Variants in MMS22L observed in about 807,000 individuals in gnomAD.
MMS22L encodes the protein MMS22 like, DNA repair protein.
In MMS22L, 74 loss-of-function variants were observed where a neutral mutation model predicts 159.1. That is an observed-to-expected ratio of 0.47 (90% CI 0.39 to 0.56). The LOEUF (loss-of-function observed/expected upper bound fraction) is 0.56. Among genes scored for constraint, MMS22L ranks in the 20% least tolerant of loss-of-function variants. The pLI, the probability that MMS22L is intolerant of heterozygous loss-of-function variation, is 0.00. For synonymous variants in MMS22L, 517 were observed against 506.9 expected (o/e 1.02, Z -0.27); for missense variants, 1,351 against 1,422.1 (o/e 0.95, Z 0.80).
Position 97,282,316 on chromosome 6 carries a change from C to T in MMS22L, c.162G>A (p.Lys54=), listed in dbSNP as rs561957864. 4 of 1,613,796 alleles carry T rather than the reference C, an allele frequency of 2.5e-6. No individual in the cohort carries two copies. Among genetic ancestry groups the T allele is most frequent in the Admixed American group, 3.3e-5 (2 of 59,978 alleles). ...AAATGTCTCTGAGTTTTACCTACCG[C>T]TTAAGGGCTCCGCTGCAGAGGTAGG... is the stretch of plus-strand genomic sequence containing the variant. ...GESYLCSGAL[K]RLILNLDPLP... Residue 54 remains lysine, a splice_region_variant and synonymous_variant, in exon 2 of 25, where the codon AAG becomes AAA. Coordinates refer to ENST00000683635, the MANE Select transcript of MMS22L (RefSeq NM_001350599.2).
chr6:97,197,221 A>G (rs1293510727), intron 14 of MMS22L, among the ~76,000 whole-genome samples: 1 of 152,216 alleles, frequency 6.6e-6, no homozygotes, highest in Non-Finnish European at 1.5e-5. Flanking sequence ...GTAGGTTAGT[A>G]ATTTCTAAAA....
chr6:97,170,345 C>T (rs992768960), intron 19 of MMS22L, among the ~76,000 whole-genome samples: 7 of 151,900 alleles, frequency 4.6e-5, no homozygotes, highest in Admixed American at 3.9e-4. Flanking sequence ...TTTTAGGTTT[C>T]AGCAATGAAT....
At chr6:97,281,158 G>A (rs1816723497) in intron 3 of MMS22L, 79 bp downstream of exon 3, 2 of 1,393,744 alleles carry the variant, frequency 1.4e-6, no homozygotes, top group Non-Finnish European at 9.7e-7. Flanking sequence ...TGTAATATCA[G>A]TATTAGAAGC....
At chr6:97,229,802 T>G (rs1430238196) in intron 13 of MMS22L, among the ~76,000 whole-genome samples, 2 of 152,180 alleles carry the variant, frequency 1.3e-5, no homozygotes, top group East Asian at 3.8e-4. Flanking sequence ...CAGGACAATT[T>G]TATGTAACAA....
intron 7 of MMS22L, among the ~76,000 whole-genome samples, chr6:97,268,282 T>A (rs1815357198): frequency 6.6e-6 from 1 of 151,862 alleles, no homozygotes; most frequent in African/African-American, 2.4e-5. Context: ...CCTCCCAGGT[T>A]CAGGCCATCC....
intron 22 of MMS22L, among the ~76,000 whole-genome samples, chr6:97,155,191 T>A (rs761860525): frequency 3.3e-5 from 5 of 152,200 alleles, no homozygotes; most frequent in African/African-American, 1.2e-4. Flanking sequence ...ATTACTGATA[T>A]AGTTTGATTT....
intron 4 of MMS22L, among the ~76,000 whole-genome samples, chr6:97,274,591 G>A (rs1816071669): frequency 6.6e-6 from 1 of 152,094 alleles, no homozygotes; most frequent in Non-Finnish European, 1.5e-5. Flanking sequence ...CCCACCTAGA[G>A]ACAGTTTCCA....
chr6:97,205,337 CACATATTCTTCCTGTTGTTTT>C (rs1277291632), intron 14 of MMS22L, among the ~76,000 whole-genome samples: 1 of 151,974 alleles, frequency 6.6e-6, no homozygotes, highest in East Asian at 1.9e-4. Flanking sequence ...ATGTCTAGCT[CACATATTCTTCCTGTTGTTTT>C]ACAATTCTTT....
rs371097763 is a variant in MMS22L, at chr6:97,233,983, A to G, written c.1183-3T>C. 16 of 1,603,594 alleles carry G rather than the reference A, an allele frequency of 1.0e-5. No homozygotes were observed. The highest frequency in any genetic ancestry group is 1.4e-5 in the Non-Finnish European group (16 of 1,176,546). ...AATTGTTCTTCTAGAATGACACCCT[A>G]AAAAATAAACTGAAGTTATGAGAAG... On this transcript the variant is annotated splice_region_variant and splice_polypyrimidine_tract_variant and intron_variant, in intron 11 of 24. Coordinates refer to ENST00000683635, the MANE Select transcript of MMS22L (RefSeq NM_001350599.2).
intron 15 of MMS22L, among the ~76,000 whole-genome samples, chr6:97,183,219 T>C (rs1804897522): frequency 6.6e-6 from 1 of 152,168 alleles, no homozygotes; most frequent in Non-Finnish European, 1.5e-5. Context: ...CCACTGATCC[T>C]ACAACCATTT....
chr6:97,250,287 T>C (rs1352508028), intron 10 of MMS22L, among the ~76,000 whole-genome samples: 1 of 152,186 alleles, frequency 6.6e-6, no homozygotes, highest in East Asian at 1.9e-4. Context: ...CTACCAGATA[T>C]GTAGAACAGA....
chr6:97,254,013 CTG>C (rs1250268972), intron 10 of MMS22L: 5 of 152,280 alleles, frequency 3.3e-5, no homozygotes, highest in African/African-American at 4.8e-5. Flanking sequence ...TTAAGTAACA[CTG>C]TAAAAAATGT....
Position 97,282,562 on chromosome 6 carries a change from G to T in MMS22L, c.-76-9C>A. 2 of 130,754 alleles carry T rather than the reference G, an allele frequency of 1.5e-5. No individual in the cohort carries two copies. Among genetic ancestry groups the T allele is most frequent in the Non-Finnish European group, 1.5e-5 (1 of 65,032 alleles). 8.1% of individuals were successfully genotyped at this position (130,754 alleles called of 1,614,324 possible). On this transcript the variant is annotated splice_polypyrimidine_tract_variant and intron_variant, in intron 1 of 24. Transcript: ENST00000683635. ...AAGGTGTGAAGAGATTCCTGTTGGGGGGGGGGGGGTGGGGCCGAGAGAGTG... is the reference window on the plus strand; with the variant it reads ...AAGGTGTGAAGAGATTCCTGTTGGGTGGGGGGGGGTGGGGCCGAGAGAGTG...
chr6:97,245,757 T>G (rs955407477), intron 11 of MMS22L, among the ~76,000 whole-genome samples: 1 of 152,038 alleles, frequency 6.6e-6, no homozygotes, highest in African/African-American at 2.4e-5. Flanking sequence ...ACTAAATGCC[T>G]TTATGTTTCC....
chr6:97,186,262 CT>C (rs1254275500), intron 15 of MMS22L, among the ~76,000 whole-genome samples: 2 of 151,950 alleles, frequency 1.3e-5, no homozygotes, highest in East Asian at 3.9e-4. Flanking sequence ...ATAAGAAAAG[CT>C]TATGTATATT....
chr6:97,162,165 C>T lies in MMS22L; in HGVS notation c.3222G>A (p.Arg1074=). 6.3e-7 allele frequency: 1 copy of T among 1,585,202 alleles called. No homozygotes were observed. Among genetic ancestry groups the T allele is most frequent in the South Asian group, 1.2e-5 (1 of 85,548 alleles). ...ACCCCTTATACTCAAGGTAGGATTTCCTGAAAAGAAGCAAAATTTGTTTAT... is the reference window on the plus strand; with the variant it reads ...ACCCCTTATACTCAAGGTAGGATTTTCTGAAAAGAAGCAAAATTTGTTTAT... ...SLKKCIVQVI[R]KSYLEYKGSS... The change falls in exon 22 of 25, where the codon AGG becomes AGA. Residue 1074 remains arginine, a splice_region_variant and synonymous_variant. Transcript: ENST00000683635.
chr6:97,248,858 C>CA lies in MMS22L; in HGVS notation c.1120-2169dup, dbSNP rs113429121. Among the ~76,000 whole-genome samples the CA allele has an allele frequency of 5.8e-3, 743 of 127,332 alleles. 5 individuals are homozygous for CA. The highest frequency in any genetic ancestry group is 0.017 in the African/African-American group (595 of 34,362). The allele number at this position is 127,332 out of a possible 152,430, so 83.5% of individuals were successfully genotyped here. A position where few individuals can be genotyped will look rare whatever the true frequency, so the allele number is the denominator to read the frequency against. On this transcript the variant is annotated intron_variant, in intron 10 of 24. Transcript: ENST00000683635. ...TGGGCAACAGAGGGAGACTTTGTCT[C>CA]AAAAAAAAAAAAAAGATCTGACCTT...
chr6:97,223,345 AT>A (rs1809856303), intron 14 of MMS22L, among the ~76,000 whole-genome samples: 1 of 150,830 alleles, frequency 6.6e-6, no homozygotes, highest in Non-Finnish European at 1.5e-5. Flanking sequence ...AGGTTTAAGT[AT>A]TTCATTATTT....
At chr6:97,224,878 A>AC (rs1810054478) in intron 14 of MMS22L, among the ~76,000 whole-genome samples, 1 of 152,156 alleles carries the variant, frequency 6.6e-6, no homozygotes, top group East Asian at 1.9e-4. Flanking sequence ...ACAAAACTGC[A>AC]CTTGTAACCT....
Sources: gnomAD v4.1 joint callset for allele counts (sites outside exome capture counted in the v4.1 genomes callset) on GRCh38, gnomAD v4.1.1 for gene constraint, MANE v1.5 for transcripts, NCBI Gene and HGNC (gene_info 2026-07-23, HGNC 2026-07-21) for gene names.